Variants in TP73 observed in about 807,000 individuals in gnomAD.
The protein encoded by TP73 is tumor protein p73.
Under a neutral mutation model 62.5 loss-of-function variants are expected in TP73, and 25 were observed. The observed-to-expected ratio is 0.40, with a 90% CI of 0.29 to 0.56. The LOEUF (loss-of-function observed/expected upper bound fraction) is 0.56, where lower values mean the gene tolerates loss of function less well. Ranked by LOEUF, TP73 falls within the 20% of genes least tolerant of loss-of-function variation. TP73 has a pLI of 0.46. For missense variants in TP73, 754 were observed against 913.3 expected (o/e 0.83, Z 2.25); for synonymous variants, 423 against 377.5 (o/e 1.12, Z -1.40).
At chr1:3,655,128 T>G (rs1264652677) in intron 1 of TP73, among the ~76,000 whole-genome samples, 1 of 152,248 alleles carries the variant, frequency 6.6e-6, no homozygotes, top group African/African-American at 2.4e-5. Context: ...GGCCCACGCC[T>G]GTAATCTCAG....
chr1:3,656,037 C>T (rs189285743), intron 1 of TP73, among the ~76,000 whole-genome samples: 31 of 152,156 alleles, frequency 2.0e-4, no homozygotes, highest in African/African-American at 7.0e-4. Flanking sequence ...ATTAGTCGGG[C>T]GTGGTGCGGG....
At chr1:3,674,540 C>G (rs1230000545) in intron 1 of TP73, among the ~76,000 whole-genome samples, 17 of 152,362 alleles carry the variant, frequency 1.1e-4, no homozygotes, top group Non-Finnish European at 2.9e-5. Context: ...GCTGACGAAG[C>G]CGTCCTGGCA....
At chr1:3,691,134 G>A (rs1027397167) in intron 3 of TP73, among the ~76,000 whole-genome samples, 12 of 152,202 alleles carry the variant, frequency 7.9e-5, no homozygotes, top group African/African-American at 2.2e-4. Context: ...GAGGCAAGCA[G>A]ATTCGGGCTC....
At chr1:3,654,376 G>A (rs74050403) in intron 1 of TP73, among the ~76,000 whole-genome samples, 27 of 152,264 alleles carry the variant, frequency 1.8e-4, no homozygotes, top group African/African-American at 6.5e-4. Flanking sequence ...AACAGTAGCT[G>A]TCTCCAAATC....
chr1:3,681,387 C>T (rs765242858), intron 1 of TP73, among the ~76,000 whole-genome samples: 1 of 152,196 alleles, frequency 6.6e-6, no homozygotes, highest in Non-Finnish European at 1.5e-5. Flanking sequence ...TCCCCTCCCC[C>T]AGCTGTGCTC....
Position 3,696,032 on chromosome 1 carries a change from C to T in TP73, c.187-11517C>T, listed in dbSNP as rs920697750. ...CGGCCGTGGCTGTGTTGGAGATGCC[C>T]GGCAGCCATTGCATAGCTGAGAAGG... On this transcript the variant is annotated intron_variant, in intron 3 of 13. Transcript: ENST00000378295. This position sits in a 1 kb window ranked among gnomAD's most constrained non-coding sequence, Gnocchi z 4.1. Among the ~76,000 whole-genome samples, 2 of 152,182 alleles carry T rather than the reference C, an allele frequency of 1.3e-5. No individual in the cohort carries two copies. Among genetic ancestry groups the T allele is most frequent in the African/African-American group, 2.4e-5 (1 of 41,444 alleles).
intron 6 of TP73, among the ~76,000 whole-genome samples, chr1:3,726,365 T>G (rs1570626284): frequency 8.4e-6 from 1 of 119,090 alleles, no homozygotes; most frequent in Non-Finnish European, 1.7e-5. Flanking sequence ...GATGGGTGGG[T>G]GGATAGATGG....
rs116490269 is a variant in TP73 at position 3,688,387 on chromosome 1, T to C, written c.186+5207T>C. On this transcript the variant is annotated intron_variant, in intron 3 of 13. Transcript: ENST00000378295. ...GTTTGGCCTTGAACTGACACATCAC[T>C]GGCACCAGGAAACGAAGTCCCCCTG... 6.0e-3 allele frequency among the ~76,000 whole-genome samples: 910 copies of C among 152,280 alleles called. 12 individuals are homozygous for C. The highest frequency in any genetic ancestry group is 0.021 in the African/African-American group (863 of 41,546).
Position 3,730,048 on chromosome 1 carries a change from C to G in TP73, c.1245C>G (p.Asn415Lys), listed in dbSNP as rs1642007737. 1 of 1,609,462 alleles carries G rather than the reference C, an allele frequency of 6.2e-7. No individual in the cohort carries two copies. Among genetic ancestry groups the G allele is most frequent in the Non-Finnish European group, 8.5e-7 (1 of 1,178,308 alleles). The change falls in exon 11 of 14, where the codon AAC becomes AAG. Residue 415 changes from asparagine to lysine, a missense_variant. Asn to Lys is a moderately conservative substitution (Grantham distance 94). Around this residue, in one of 3 missense-constraint regions of TP73, gnomAD observed 458 missense variants for 528.7 expected, o/e 0.87. Transcript: ENST00000378295. Reference protein sequence around the residue: ...PSYGPVLSPMNKVHGGMNKLP... With the variant: ...PSYGPVLSPMKKVHGGMNKLP... ...ACGGGCCGGTCCTCTCGCCCATGAACAAGGTGCACGGGGGCATGAACAAGC... is the reference window on the plus strand; with the variant it reads ...ACGGGCCGGTCCTCTCGCCCATGAAGAAGGTGCACGGGGGCATGAACAAGC...
At chr1:3,657,535 G>A (rs1201983750) in intron 1 of TP73, among the ~76,000 whole-genome samples, 1 of 152,220 alleles carries the variant, frequency 6.6e-6, no homozygotes, top group African/African-American at 2.4e-5. Flanking sequence ...CCCAGAGGCT[G>A]CATCCAACCC....
intron 6 of TP73, among the ~76,000 whole-genome samples, chr1:3,726,239 AGGAT>A (rs1239953719): frequency 1.3e-5 from 1 of 76,494 alleles, no homozygotes; most frequent in Admixed American, 1.7e-4. Context: ...ATGGATGGAT[AGGAT>A]GGATGGATGA....
intron 11 of TP73, 81 bp from the exon 12 acceptor site, chr1:3,730,846 G>C: frequency 6.7e-7 from 1 of 1,487,296 alleles, no homozygotes; most frequent in Non-Finnish European, 9.0e-7. Context: ...CTGGTGTCCA[G>C]AGGTGTCTGG....
At chr1:3,698,911 C>A (rs1395270075) in intron 3 of TP73, among the ~76,000 whole-genome samples, 2 of 152,154 alleles carry the variant, frequency 1.3e-5, no homozygotes, top group Non-Finnish European at 2.9e-5. Flanking sequence ...CTGGGCCTCG[C>A]AGTCCTGCAG....
intron 4 of TP73, among the ~76,000 whole-genome samples, chr1:3,714,820 C>T (rs1036761349): frequency 1.3e-5 from 2 of 152,246 alleles, no homozygotes; most frequent in African/African-American, 4.8e-5. Flanking sequence ...TCTGCGGACC[C>T]AGGGCACTGC....
At chr1:3,711,171 G>C (rs1640109278) in intron 4 of TP73, among the ~76,000 whole-genome samples, 1 of 152,252 alleles carries the variant, frequency 6.6e-6, no homozygotes, top group African/African-American at 2.4e-5. Context: ...GGACAAAGGA[G>C]CTGGCTCTTG....
intron 4 of TP73, among the ~76,000 whole-genome samples, chr1:3,710,722 T>A (rs1640069646): frequency 6.6e-6 from 1 of 152,216 alleles, no homozygotes; most frequent in African/African-American, 2.4e-5. Context: ...TGTGCATATG[T>A]GTGCATACAC....
chr1:3,682,211 G>C (rs1422125216), intron 1 of TP73, 122 bp from the exon 2 acceptor site: 1 of 652,646 alleles, frequency 1.5e-6, no homozygotes. Context: ...GGCAAGGCGG[G>C]GGCACCTGCT....
In TP73 at chr1:3,734,014, C is replaced by T. The variant is rs894974789; in HGVS notation, c.*935C>T. The T allele has an allele frequency of 6.6e-6, 1 of 151,522 alleles. No homozygotes were observed. The highest frequency in any genetic ancestry group is 2.4e-5 in the African/African-American group (1 of 41,164). 9.4% of individuals were successfully genotyped at this position (151,522 alleles called of 1,614,324 possible). On this transcript the variant is annotated 3_prime_UTR_variant, in exon 14 of 14. Coordinates refer to ENST00000378295, the MANE Select transcript of TP73 (RefSeq NM_005427.4). This position sits in a 1 kb window ranked among gnomAD's most constrained non-coding sequence, Gnocchi z 4.4. The stretch of plus-strand genomic sequence containing the variant: ...AGGCTGAGGAAGCTGAGTGAGAAGC[C>T]AGGTGGGCGGGACTTGTTCCCAGGA...
Position 3,672,711 on chromosome 1 carries a change from C to T in TP73, c.-33-9622C>T, listed in dbSNP as rs1206035342. ...TACCACCCCCGCCAGGGTCGCCCTT[C>T]CTCTAACAGGTGGGCTCCTGGCAGG... On this transcript the variant is annotated intron_variant, in intron 1 of 13. Coordinates refer to ENST00000378295, the MANE Select transcript of TP73 (RefSeq NM_005427.4). The surrounding 1 kb of genome is among the most constrained non-coding windows in gnomAD (Gnocchi z 5.3). 6.6e-6 allele frequency among the ~76,000 whole-genome samples: 1 copy of T among 152,084 alleles called. No homozygotes were observed. The highest frequency in any genetic ancestry group is 1.5e-5 in the Non-Finnish European group (1 of 68,008).
Sources: allele counts gnomAD v4.1 joint callset (sites outside exome capture counted in the v4.1 genomes callset), GRCh38; gene constraint gnomAD v4.1.1; regional missense constraint gnomAD v4.1.1; non-coding constraint Gnocchi (gnomAD v3.1); transcripts MANE v1.5; gene names NCBI Gene and HGNC (gene_info 2026-07-23, HGNC 2026-07-21).